Variants in PKD1L3 observed in about 807,000 individuals in gnomAD.
PKD1L3 encodes polycystin 1 like 3, transient receptor potential channel interacting.
PKD1L3 carries 239 observed loss-of-function variants against 184.1 expected under a neutral mutation model. The observed-to-expected ratio is 1.30, with a 90% CI of 1.17 to 1.45. The LOEUF (loss-of-function observed/expected upper bound fraction) is 1.45, where lower values mean the gene tolerates loss of function less well. Ranked by LOEUF, PKD1L3 falls within the 40% of genes most tolerant of loss-of-function variation. PKD1L3 has a pLI of 0.00. For missense variants in PKD1L3, 2,660 were observed against 2,067.2 expected (o/e 1.29, Z -5.56); for synonymous variants, 996 against 778.8 (o/e 1.28, Z -4.64).
At position 71,947,754 on chromosome 16, in the gene PKD1L3, AC is replaced by A. The variant is rs1235937230; in HGVS notation, c.3619-164del. Among the ~76,000 whole-genome samples, 23 of 152,294 alleles carry A rather than the reference AC, an allele frequency of 1.5e-4. 1 individual carries two copies. Among genetic ancestry groups the A allele is most frequent in the African/African-American group, 5.1e-4 (21 of 41,562 alleles). On this transcript the variant is annotated intron_variant, in intron 21 of 29. Transcript: ENST00000620267. ...CATTAATTTTTGCACAATGATGGGT[AC>A]CAGGAGAAGGACCATCAGACTCTAA... is the stretch of plus-strand genomic sequence containing the variant.
chr16:71,946,485 C>A (rs1044111293), intron 22 of PKD1L3, among the ~76,000 whole-genome samples: 2 of 152,006 alleles, frequency 1.3e-5, no homozygotes, highest in African/African-American at 4.8e-5. Flanking sequence ...TTTCTGCAAC[C>A]TCTTGTTTTG....
At chr16:71,952,864 AGAT>A (rs1567507734) in intron 18 of PKD1L3, 27 bp downstream of exon 18, 1 of 1,473,682 alleles carries the variant, frequency 6.8e-7, no homozygotes, top group Admixed American at 2.3e-5. Context: ...CAATAAAATA[AGAT>A]AAAATAAAAT....
intron 16 of PKD1L3, among the ~76,000 whole-genome samples, chr16:71,961,452 A>T (rs2039275947): frequency 6.6e-6 from 1 of 152,142 alleles, no homozygotes; most frequent in Non-Finnish European, 1.5e-5. Flanking sequence ...TTTCAAAGTT[A>T]GGACATAAAA....
At chr16:71,967,434 G>A (rs926893870) in intron 14 of PKD1L3, 119 bp from the exon 15 acceptor site, 31 of 992,814 alleles carry the variant, frequency 3.1e-5, no homozygotes, top group Non-Finnish European at 3.6e-5. Flanking sequence ...TCGGATCTTA[G>A]ACAAGCATAG....
Position 71,947,485 on chromosome 16 carries a change from G to C in PKD1L3, c.3718+7C>G, listed in dbSNP as rs1052826039. 1 of 1,513,758 alleles carries C rather than the reference G, an allele frequency of 6.6e-7. No individual in the cohort carries two copies. Among genetic ancestry groups the C allele is most frequent in the Non-Finnish European group, 9.0e-7 (1 of 1,114,138 alleles). 93.8% of individuals were successfully genotyped at this position (1,513,758 alleles called of 1,614,324 possible). A position where few individuals can be genotyped will look rare whatever the true frequency, so the allele number is the denominator to read the frequency against. On this transcript the variant is annotated splice_region_variant and intron_variant, in intron 22 of 29. Coordinates refer to ENST00000620267, the MANE Select transcript of PKD1L3 (RefSeq NM_181536.2). ...AATTAGGTAGTTGTTAGAACTACTT[G>C]AGTTACCCAAGAGTGCCAAGATCCT...
At chr16:71,997,422 C>A (rs76886099) in intron 2 of PKD1L3, among the ~76,000 whole-genome samples, 1,953 of 149,856 alleles carry the variant, frequency 0.013, 44 homozygotes, top group African/African-American at 0.045. Context: ...CCCCCCCCCC[C>A]ACAACCACTC....
At chr16:71,960,528 G>A (rs1171246905) in intron 16 of PKD1L3, among the ~76,000 whole-genome samples, 3 of 149,566 alleles carry the variant, frequency 2.0e-5, no homozygotes, top group South Asian at 4.3e-4. Flanking sequence ...GGATCAAAGG[G>A]AGACCTATAT....
intron 27 of PKD1L3, 23 bp from the exon 28 acceptor site, chr16:71,933,544 G>A: frequency 1.3e-6 from 2 of 1,483,112 alleles, no homozygotes; most frequent in South Asian, 1.2e-5. Flanking sequence ...AGAAAGGCCA[G>A]TTAGTGCAAG....
At chr16:71,982,331 G>C in intron 6 of PKD1L3, 96 bp from the exon 7 acceptor site, 1 of 1,131,460 alleles carries the variant, frequency 8.8e-7, no homozygotes, top group Non-Finnish European at 1.2e-6. Context: ...TGTTGCCCAG[G>C]CTAGAGTGCA....
At chr16:71,953,849 C>G (rs2038943144) in intron 17 of PKD1L3, among the ~76,000 whole-genome samples, 1 of 152,176 alleles carries the variant, frequency 6.6e-6, no homozygotes, top group Non-Finnish European at 1.5e-5. Context: ...GGACACAGAG[C>G]CAAACCATAT....
At chr16:71,971,386 G>A (rs2039703630) in intron 12 of PKD1L3, among the ~76,000 whole-genome samples, 1 of 152,042 alleles carries the variant, frequency 6.6e-6, no homozygotes, top group Admixed American at 6.6e-5. Flanking sequence ...TGGTTTCGTG[G>A]GTGAAAAGCC....
At chr16:71,993,019 G>C (rs999336755) in intron 3 of PKD1L3, among the ~76,000 whole-genome samples, 197 bp downstream of exon 3, 1 of 152,156 alleles carries the variant, frequency 6.6e-6, no homozygotes, top group Non-Finnish European at 1.5e-5. Flanking sequence ...ATGAAAAGAC[G>C]GCGGCCAAGG....
At chr16:71,943,846 T>C (rs777540978) in intron 23 of PKD1L3, among the ~76,000 whole-genome samples, 184 bp downstream of exon 23, 15 of 152,210 alleles carry the variant, frequency 9.9e-5, no homozygotes, top group South Asian at 2.1e-4. Flanking sequence ...ACCTCTAGAC[T>C]CCAAGGTCAG....
At chr16:71,994,910 C>T (rs900898414) in intron 2 of PKD1L3, among the ~76,000 whole-genome samples, 4 of 152,042 alleles carry the variant, frequency 2.6e-5, no homozygotes, top group African/African-American at 9.7e-5. Flanking sequence ...ATCACTTGAA[C>T]CCAGGAGGTG....
At chr16:71,983,240 G>A (rs1186470566) in intron 6 of PKD1L3, among the ~76,000 whole-genome samples, 2 of 151,652 alleles carry the variant, frequency 1.3e-5, no homozygotes, top group South Asian at 2.1e-4. Flanking sequence ...TCCACCTTCC[G>A]GGCTCAAACC....
chr16:71,954,356 C>G, intron 16 of PKD1L3, 55 bp from the exon 17 acceptor site: 1 of 1,385,926 alleles, frequency 7.2e-7, no homozygotes, highest in Non-Finnish European at 9.7e-7. Context: ...GAAAGTGCAC[C>G]AGTTTAAGAT....
Position 71,930,117 on chromosome 16 carries a change from C to G in PKD1L3, c.4993G>C (p.Val1665Leu). ...GCCGAAACGAAAAGATTAATTACCACAAGTACCATCAAGATGACACTGGTG... is the reference window on the plus strand; with the variant it reads ...GCCGAAACGAAAAGATTAATTACCAGAAGTACCATCAAGATGACACTGGTG... ...ILTSVILMVL[V>L]VINLFVSAIL... Residue 1665 changes from valine (V) to leucine (L), a missense_variant, in exon 29 of 30, where the codon GTG (valine) becomes CTG (leucine). Physicochemically the swap from Val to Leu is conservative, Grantham distance 32. Coordinates refer to ENST00000620267, the MANE Select transcript of PKD1L3 (RefSeq NM_181536.2). The G allele has an allele frequency of 1.3e-6, 2 of 1,551,650 alleles. No individual in the cohort carries two copies. The highest frequency in any genetic ancestry group is 8.7e-7 in the Non-Finnish European group (1 of 1,146,932).
chr16:71,982,105 T>G lies in PKD1L3; in HGVS notation c.1097A>C (p.Lys366Thr), dbSNP rs1470989406. 6.4e-7 allele frequency: 1 copy of G among 1,551,212 alleles called. No homozygotes were observed. The highest frequency in any genetic ancestry group is 8.7e-7 in the Non-Finnish European group (1 of 1,146,806). The stretch of plus-strand genomic sequence containing the variant: ...TTCCAGCCAACTTCCTTCTCCAGCT[T>G]TGGTGACATTGTTGAGGGAATGAAA... ...CPFHSLNNVT[K>T]AGEGSWLESK... The change falls in exon 7 of 30, where the codon AAA becomes ACA. Residue 366 changes from lysine to threonine, a missense_variant. Lys to Thr is a moderately conservative substitution (Grantham distance 78). Transcript: ENST00000620267.
At position 71,929,580 on chromosome 16, in the gene PKD1L3, TGTC is replaced by T. The variant is rs1479802987; in HGVS notation, c.5154_5156del (p.Thr1719del). The T allele has an allele frequency of 1.3e-6, 2 of 1,551,810 alleles. No homozygotes were observed. The highest frequency in any genetic ancestry group is 2.4e-5 in the South Asian group (2 of 84,064). ...AAACTTCAGTGTCACTGCCCACTGCTGTCGTGGCTGCTTGCTCAGATGAGGTTT... is the reference window on the plus strand; with the variant it reads ...AAACTTCAGTGTCACTGCCCACTGCTGTGGCTGCTTGCTCAGATGAGGTTT... On this transcript the variant is annotated inframe_deletion, in exon 30 of 30. Coordinates refer to ENST00000620267, the MANE Select transcript of PKD1L3 (RefSeq NM_181536.2).
Sources: allele counts gnomAD v4.1 joint callset (sites outside exome capture counted in the v4.1 genomes callset), GRCh38; gene constraint gnomAD v4.1.1; transcripts MANE v1.5; gene names NCBI Gene and HGNC (gene_info 2026-07-23, HGNC 2026-07-21).